The following FYN variants were observed in gnomAD, a reference collection of about 807,000 sequenced individuals.
FYN encodes the protein tyrosine-protein kinase Fyn.
A neutral mutation model predicts 70.2 loss-of-function variants in FYN; 10 were observed. That is an observed-to-expected ratio of 0.14 (90% CI 0.09 to 0.24). FYN has a LOEUF of 0.24. Among genes scored for constraint, FYN ranks in the 10% least tolerant of loss-of-function variants. FYN has a pLI of 1.00. For synonymous variants in FYN, 236 were observed against 248.6 expected, an observed-to-expected ratio of 0.95 and a Z score of 0.48; for missense variants, 319 against 673.1, an observed-to-expected ratio of 0.47 and a Z score of 5.82.
chr6:111,802,132 G>A (rs1157481018), intron 2 of FYN, among the ~76,000 whole-genome samples: 2 of 152,136 alleles, frequency 1.3e-5, no homozygotes, highest in African/African-American at 2.4e-5. Context: ...CTGGTGGGAG[G>A]TGACTGGATC....
chr6:111,783,966 T>A (rs1032350086), intron 2 of FYN, among the ~76,000 whole-genome samples: 1 of 152,152 alleles, frequency 6.6e-6, no homozygotes, highest in Admixed American at 6.5e-5. Flanking sequence ...GAAGCATCGA[T>A]CCAAGAGATA....
At chr6:111,863,275 TAA>T (rs1774015998) in intron 1 of FYN, among the ~76,000 whole-genome samples, 1 of 152,210 alleles carries the variant, frequency 6.6e-6, no homozygotes, top group African/African-American at 2.4e-5. Context: ...CAGCGCTTCT[TAA>T]AATATCCTTA....
At chr6:111,789,256 G>A (rs898998548) in intron 2 of FYN, among the ~76,000 whole-genome samples, 4 of 152,182 alleles carry the variant, frequency 2.6e-5, no homozygotes, top group Non-Finnish European at 5.9e-5. Context: ...CTGCCCTAGA[G>A]GCCAGGTGTA....
intron 5 of FYN, among the ~76,000 whole-genome samples, chr6:111,711,777 C>G (rs1800391252): frequency 6.6e-6 from 1 of 152,174 alleles, no homozygotes; most frequent in African/African-American, 2.4e-5. Context: ...TGTATTATTG[C>G]TTTGTTTTTC....
At chr6:111,773,627 A>AAGGGGGGGGAG (rs1803585635) in intron 3 of FYN, among the ~76,000 whole-genome samples, 1 of 13,994 alleles carries the variant, frequency 7.1e-5, no homozygotes, top group Non-Finnish European at 1.1e-4. Context: ...AGAGGGGGAA[A>AAGGGGGGGGAG]GGAGAGGGGG....
At chr6:111,867,789 G>A (rs772835068) in intron 1 of FYN, among the ~76,000 whole-genome samples, 21 of 152,170 alleles carry the variant, frequency 1.4e-4, no homozygotes, top group Admixed American at 2.6e-4. Flanking sequence ...GCCTGCCCTC[G>A]GTCAAAGGCC....
intron 3 of FYN, among the ~76,000 whole-genome samples, chr6:111,739,678 G>C (rs1315041206): frequency 6.6e-6 from 1 of 152,210 alleles, no homozygotes; most frequent in East Asian, 1.9e-4. Context: ...CCCTCAGGGT[G>C]TCAGAAGTGT....
intron 4 of FYN, among the ~76,000 whole-genome samples, chr6:111,718,612 G>A (rs1206528098): frequency 1.3e-5 from 2 of 152,156 alleles, no homozygotes; most frequent in East Asian, 3.9e-4. Context: ...CACAAGGATG[G>A]GGGTTGTGTT....
intron 1 of FYN, among the ~76,000 whole-genome samples, chr6:111,852,535 AAGAT>A (rs1202529522): frequency 6.6e-6 from 1 of 152,244 alleles, no homozygotes; most frequent in African/African-American, 2.4e-5. Context: ...TACATCCTTT[AAGAT>A]AGATAAACTT....
At chr6:111,771,968 G>A (rs573299968) in intron 3 of FYN, among the ~76,000 whole-genome samples, 1 of 152,252 alleles carries the variant, frequency 6.6e-6, no homozygotes, top group African/African-American at 2.4e-5. Flanking sequence ...GAAGGGATGA[G>A]AGGGAACATG....
chr6:111,775,499 C>T (rs915810231), intron 3 of FYN, among the ~76,000 whole-genome samples: 1 of 152,168 alleles, frequency 6.6e-6, no homozygotes, highest in Non-Finnish European at 1.5e-5. Flanking sequence ...CTCCTATGCA[C>T]AGGGCTGATT....
chr6:111,672,939 T>C (rs1798352463), intron 13 of FYN, among the ~76,000 whole-genome samples: 1 of 152,142 alleles, frequency 6.6e-6, no homozygotes, highest in South Asian at 2.1e-4. Flanking sequence ...CTCCACCCCT[T>C]TGTCTTGGTT....
At chr6:111,685,510 C>A (rs1173158719) in intron 12 of FYN, among the ~76,000 whole-genome samples, 1 of 152,222 alleles carries the variant, frequency 6.6e-6, no homozygotes, top group African/African-American at 2.4e-5. Context: ...TGCCACTGAG[C>A]CCCCTCCTTT....
In FYN at chr6:111,811,793, T is replaced by C. The variant is rs76071407; in HGVS notation, c.-81-31158A>G. ...AGTTCGAAAATGAAGAAGGTATTGC[T>C]AGTCAGCTGTGGGTTGCTAAACTGT... is the stretch of plus-strand genomic sequence containing the variant. On this transcript the variant is annotated intron_variant, in intron 2 of 13. Transcript: ENST00000354650. Among the ~76,000 whole-genome samples the C allele has an allele frequency of 4.2e-3, 640 of 152,306 alleles. 9 individuals carry two copies. The highest frequency in any genetic ancestry group is 0.015 in the African/African-American group (624 of 41,560).
At position 111,694,631 on chromosome 6, in the gene FYN, T is replaced by C. The variant is rs745335589; in HGVS notation, c.1116A>G (p.Ala372=). The change falls in exon 11 of 14, where the codon GCA becomes GCG. Residue 372 remains alanine (A), a synonymous_variant. Coordinates refer to ENST00000354650, the MANE Select transcript of FYN (RefSeq NM_002037.5). This position sits in a 1 kb window ranked among gnomAD's most constrained non-coding sequence, Gnocchi z 5.0. Reference sequence around the variant, plus strand: ...CAAGTTACCCTGCAGGGCCTACCTGTGCTGCCATGTCCACAAGATTTGGTA... The same window carrying C: ...CAAGTTACCCTGCAGGGCCTACCTGCGCTGCCATGTCCACAAGATTTGGTA... ...LKLPNLVDMA[A]QVAAGMAYIE... 2.5e-6 allele frequency: 4 copies of C among 1,614,128 alleles called. No homozygotes were observed. The African/African-American group carries it at 4.0e-5, about 16-fold the overall frequency.
At chr6:111,827,582 AGTGACACTG>A (rs1772878543) in intron 2 of FYN, among the ~76,000 whole-genome samples, 1 of 152,190 alleles carries the variant, frequency 6.6e-6, no homozygotes, top group Non-Finnish European at 1.5e-5. Flanking sequence ...AGCTGACCAC[AGTGACACTG>A]GGGGTATACG....
At chr6:111,801,446 T>C (rs1043239141) in intron 2 of FYN, among the ~76,000 whole-genome samples, 1 of 152,224 alleles carries the variant, frequency 6.6e-6, no homozygotes, top group African/African-American at 2.4e-5. Context: ...GCAGAATAAA[T>C]GCCAATTCTT....
chr6:111,696,599 C>A, intron 9 of FYN, 143 bp from the exon 10 acceptor site: 1 of 559,764 alleles, frequency 1.8e-6, no homozygotes, highest in Non-Finnish European at 2.9e-6. Flanking sequence ...CATTCAATTG[C>A]AAGGACTCTG....
chr6:111,715,379 C>T (rs1800586057), intron 4 of FYN, among the ~76,000 whole-genome samples: 1 of 152,066 alleles, frequency 6.6e-6, no homozygotes, highest in South Asian at 2.1e-4. Flanking sequence ...CTGTGCCCAA[C>T]CCAACAGGCA....
Sources: gnomAD v4.1 joint callset for allele counts (sites outside exome capture counted in the v4.1 genomes callset) on GRCh38, gnomAD v4.1.1 for gene constraint, Gnocchi (gnomAD v3.1) non-coding constraint, MANE v1.5 for transcripts, NCBI Gene and HGNC (gene_info 2026-07-23, HGNC 2026-07-21) for gene names.